The following RGL1 variants were observed in gnomAD, a reference collection of about 807,000 sequenced individuals.
RGL1 encodes the protein ral guanine nucleotide dissociation stimulator like 1, also known as ral guanine nucleotide dissociation stimulator-like 1.
In RGL1, 24 loss-of-function variants were observed where a neutral mutation model predicts 95.2. The ratio of observed to expected loss-of-function variants is 0.25; its 90% CI spans 0.18 to 0.35. The LOEUF is 0.35. Ranked by LOEUF, RGL1 falls within the 10% of genes least tolerant of loss-of-function variation. The pLI, the probability that RGL1 is intolerant of heterozygous loss-of-function variation, is 1.00. For synonymous variants in RGL1, 329 were observed against 344.9 expected (o/e 0.95, Z 0.51); for missense variants, 715 against 936.3 (o/e 0.76, Z 3.08).
At chr1:183,810,670 C>G (rs1661646656) in intron 2 of RGL1, among the ~76,000 whole-genome samples, 1 of 152,194 alleles carries the variant, frequency 6.6e-6, no homozygotes, top group Admixed American at 6.5e-5. Context: ...AACCATTTGT[C>G]ACATCTGGAT....
intron 2 of RGL1, among the ~76,000 whole-genome samples, chr1:183,829,081 G>T (rs1558233558): frequency 6.6e-6 from 1 of 152,160 alleles, no homozygotes; most frequent in South Asian, 2.1e-4. Context: ...TTCAGTTACA[G>T]GGATTTGGAT....
At chr1:183,903,731 C>A (rs1214310585) in intron 12 of RGL1, among the ~76,000 whole-genome samples, 1 of 152,116 alleles carries the variant, frequency 6.6e-6, no homozygotes, top group East Asian at 1.9e-4. Context: ...GTATCTATCT[C>A]CAACTTGTAG....
chr1:183,636,171 C>G, exon 1 of RGL1: 1 of 399,528 alleles, frequency 2.5e-6, no homozygotes, highest in Non-Finnish European at 4.4e-6. Flanking sequence ...CGTCAACGAC[C>G]TATCATCGGG....
chr1:183,808,148 G>T (rs1661466843), intron 2 of RGL1, among the ~76,000 whole-genome samples: 3 of 152,178 alleles, frequency 2.0e-5, no homozygotes, highest in African/African-American at 7.2e-5. Flanking sequence ...GGTTCACTCT[G>T]TAGGCCCCAC....
intron 2 of RGL1, among the ~76,000 whole-genome samples, chr1:183,840,065 A>G (rs901245475): frequency 2.6e-5 from 4 of 152,182 alleles, no homozygotes; most frequent in Non-Finnish European, 5.9e-5. Flanking sequence ...TCTAATGGTA[A>G]TAGACTAAGG....
intron 1 of RGL1, among the ~76,000 whole-genome samples, chr1:183,660,971 G>A (rs1310796372): frequency 7.2e-5 from 11 of 152,130 alleles, no homozygotes; most frequent in African/African-American, 1.9e-4. Context: ...GGTACGTAAC[G>A]AAATGAAGGC....
chr1:183,851,235 C>T (rs1288894540), intron 3 of RGL1, among the ~76,000 whole-genome samples: 1 of 152,160 alleles, frequency 6.6e-6, no homozygotes, highest in Non-Finnish European at 1.5e-5. Context: ...ATCTCATAAA[C>T]AGATCCTTTG....
At chr1:183,880,200 G>A (rs1458836986) in intron 4 of RGL1, among the ~76,000 whole-genome samples, 2 of 152,140 alleles carry the variant, frequency 1.3e-5, no homozygotes, top group East Asian at 1.9e-4. Flanking sequence ...CTGGCCTACC[G>A]GCAGTCAGTT....
At chr1:183,636,239 C>A in exon 1 of RGL1, 1 of 398,748 alleles carries the variant, frequency 2.5e-6, no homozygotes, top group South Asian at 1.2e-4. Flanking sequence ...GACTGGCTGC[C>A]GGACCGAGTG....
chr1:183,863,021 T>C (rs1665607808), intron 3 of RGL1, among the ~76,000 whole-genome samples: 1 of 152,202 alleles, frequency 6.6e-6, no homozygotes, highest in Non-Finnish European at 1.5e-5. Flanking sequence ...ACTGATAAAG[T>C]GATACCTGAG....
intron 1 of RGL1, among the ~76,000 whole-genome samples, chr1:183,703,901 G>A (rs966861343): frequency 3.9e-5 from 6 of 152,146 alleles, no homozygotes; most frequent in Non-Finnish European, 7.3e-5. Context: ...AGAATAGGGC[G>A]GAGAAGTTGT....
intron 14 of RGL1, among the ~76,000 whole-genome samples, chr1:183,907,474 A>G (rs1668404690): frequency 6.6e-6 from 1 of 152,010 alleles, no homozygotes; most frequent in Non-Finnish European, 1.5e-5. Flanking sequence ...TAAAACCCAA[A>G]CTCTGTATCC....
At chr1:183,835,099 T>G (rs1663545070) in intron 2 of RGL1, among the ~76,000 whole-genome samples, 1 of 152,232 alleles carries the variant, frequency 6.6e-6, no homozygotes, top group Non-Finnish European at 1.5e-5. Flanking sequence ...TGCCTATCTT[T>G]TTACATAAAA....
At chr1:183,713,560 A>C (rs550961326) in intron 1 of RGL1, among the ~76,000 whole-genome samples, 147 of 152,258 alleles carry the variant, frequency 9.7e-4, no homozygotes, top group African/African-American at 3.4e-3. Context: ...TAATTAGGTC[A>C]TGAGGGCAGA....
chr1:183,674,094 C>T (rs1652657263), intron 1 of RGL1, among the ~76,000 whole-genome samples: 2 of 152,176 alleles, frequency 1.3e-5, no homozygotes, highest in South Asian at 4.2e-4. Context: ...CTCATCTTTC[C>T]ACAAAGGACT....
At chr1:183,820,634 TG>T (rs1662412618) in intron 2 of RGL1, among the ~76,000 whole-genome samples, 1 of 152,162 alleles carries the variant, frequency 6.6e-6, no homozygotes, top group Non-Finnish European at 1.5e-5. Context: ...CTGTTCAATA[TG>T]GTAACAACTA....
At chr1:183,717,812 G>A (rs1655719398) in intron 1 of RGL1, among the ~76,000 whole-genome samples, 1 of 152,154 alleles carries the variant, frequency 6.6e-6, no homozygotes, top group African/African-American at 2.4e-5. Flanking sequence ...TAAGCAGGAG[G>A]GTGGTCAAAG....
chr1:183,870,588 C>T (rs1461522128), intron 4 of RGL1, among the ~76,000 whole-genome samples: 2 of 152,120 alleles, frequency 1.3e-5, no homozygotes, highest in African/African-American at 2.4e-5. Flanking sequence ...GGGACTGGGC[C>T]TGAGAAGGGA....
intron 1 of RGL1, among the ~76,000 whole-genome samples, chr1:183,658,814 T>C (rs1190101627): frequency 2.0e-5 from 3 of 151,942 alleles, no homozygotes; most frequent in Non-Finnish European, 2.9e-5. Flanking sequence ...CACCCCCCAG[T>C]AGGGGCAGAC....
Sources: gnomAD v4.1 joint callset for allele counts (sites outside exome capture counted in the v4.1 genomes callset) on GRCh38, gnomAD v4.1.1 for gene constraint, MANE v1.5 for transcripts, NCBI Gene and HGNC (gene_info 2026-07-23, HGNC 2026-07-21) for gene names.